FH: variants seen among roughly 807,000 people sequenced by gnomAD.
The protein encoded by FH is fumarate hydratase, mitochondrial.
In FH, 22 loss-of-function variants were observed where a neutral mutation model predicts 49.4. The observed-to-expected ratio is 0.45, with a 90% CI of 0.32 to 0.64. The LOEUF (loss-of-function observed/expected upper bound fraction) is 0.64, where lower values mean the gene tolerates loss of function less well. Among genes scored for constraint, FH ranks in the 30% least tolerant of loss-of-function variants. The pLI is 0.05. For missense variants in FH, 526 were observed against 641.5 expected (o/e 0.82, Z 1.95); for synonymous variants, 208 against 223.0 (o/e 0.93, Z 0.60).
At chr1:241,498,712 T>TAC (rs1659689038) in intron 9 of FH, among the ~76,000 whole-genome samples, 1 of 76,008 alleles carries the variant, frequency 1.3e-5, no homozygotes, top group African/African-American at 6.1e-5. Flanking sequence ...TATATATATA[T>TAC]ATATATATAT....
At chr1:241,502,306 A>T in intron 8 of FH, 137 bp downstream of exon 8, 1 of 925,566 alleles carries the variant, frequency 1.1e-6, no homozygotes, top group Non-Finnish European at 1.7e-6. Flanking sequence ...CTGGTAACTT[A>T]ATAAATGCTT....
intron 1 of FH, chr1:241,519,090 T>C: frequency 6.4e-6 from 1 of 156,160 alleles, no homozygotes; most frequent in South Asian, 1.9e-4. Context: ...GCAGTGCCCC[T>C]TGGCGAAACA....
chr1:241,498,138 T>A (rs1659671728), intron 9 of FH, among the ~76,000 whole-genome samples, 168 bp from the exon 10 acceptor site: 1 of 152,222 alleles, frequency 6.6e-6, no homozygotes, highest in African/African-American at 2.4e-5. Flanking sequence ...TCATTTTTTA[T>A]GTAGAACATT....
chr1:241,517,378 C>A, intron 1 of FH, 62 bp from the exon 2 acceptor site: 2 of 1,573,670 alleles, frequency 1.3e-6, no homozygotes, highest in Non-Finnish European at 1.7e-6. Context: ...AAAGTAATCG[C>A]ATCTTATCAG....
chr1:241,506,259 A>G, intron 5 of FH, 91 bp from the exon 6 acceptor site: 1 of 950,226 alleles, frequency 1.1e-6, no homozygotes, highest in Non-Finnish European at 1.6e-6. Flanking sequence ...TTTTAAAAAT[A>G]CCTTTCAGAA....
At chr1:241,512,866 C>A (rs1660121687) in intron 3 of FH, among the ~76,000 whole-genome samples, 1 of 151,904 alleles carries the variant, frequency 6.6e-6, no homozygotes, top group Non-Finnish European at 1.5e-5. Context: ...GTAATTATGA[C>A]TATTAGCATG....
chr1:241,498,727 ATATATATATATATATG>A (rs1558395771), intron 9 of FH, among the ~76,000 whole-genome samples: 1 of 107,794 alleles, frequency 9.3e-6, no homozygotes, highest in African/African-American at 4.1e-5. Context: ...ATATATATAT[ATATATATATATATATG>A]TCAAGAAGAA....
chr1:241,515,784 C>T lies in FH; in HGVS notation c.267+1398G>A, dbSNP rs144299095. 2.4e-3 allele frequency among the ~76,000 whole-genome samples: 363 copies of T among 152,322 alleles called. 1 individual carries two copies. Among genetic ancestry groups the T allele is most frequent in the African/African-American group, 8.3e-3 (346 of 41,566 alleles). ...TATGCATTTCTCAATTCTTTTCACA[C>T]TTTAACATCTCTGAAATCAAGATGT... On this transcript the variant is annotated intron_variant, in intron 2 of 9. Transcript: ENST00000366560.
rs1660240804 is a variant in FH at position 241,517,201 on chromosome 1, C to T, written c.248G>A (p.Gly83Asp). ...ACTTACTGGCATGCGTTCTGTCACA[C>T]CTCCAATCTTAAAGTTCATCGTAGA... ...VRSTMNFKIG[G>D]VTERMPTPVI... is the part of the protein sequence containing the mutation. The change falls in exon 2 of 10, where the codon GGT becomes GAT. Residue 83 changes from glycine to aspartate, a missense_variant. This residue lies in a region of FH where 143 missense variants were observed against 127.5 expected (regional missense o/e 1.12). Coordinates refer to ENST00000366560, the MANE Select transcript of FH (RefSeq NM_000143.4). 1 of 1,614,026 alleles carries T rather than the reference C, an allele frequency of 6.2e-7. No individual in the cohort carries two copies. The highest frequency in any genetic ancestry group is 8.5e-7 in the Non-Finnish European group (1 of 1,180,034).
At position 241,508,740 on chromosome 1, in the gene FH, T is replaced by C. The variant is rs1659997422; in HGVS notation, c.601A>G (p.Ile201Val). 2.5e-6 allele frequency: 4 copies of C among 1,613,928 alleles called. No individual in the cohort carries two copies. Among genetic ancestry groups the C allele is most frequent in the Non-Finnish European group, 3.4e-6 (4 of 1,179,864 alleles). ...GGTAACAGTACTTCATGAACTTCTA[T>C]TGCAGCAGCAATGTGCATTGCTGTG... ...FPTAMHIAAA[I>V]EVHEVLLPGL... Residue 201 changes from isoleucine to valine, a missense_variant, in exon 5 of 10, where the codon ATA becomes GTA. Transcript: ENST00000366560.
intron 9 of FH, among the ~76,000 whole-genome samples, chr1:241,498,694 CAT>C (rs56361117): frequency 4.4e-3 from 233 of 53,040 alleles, no homozygotes; most frequent in South Asian, 9.3e-3. Context: ...GCTGTCTTAA[CAT>C]ATATATATAT....
chr1:241,517,085 T>C, intron 2 of FH, 97 bp downstream of exon 2: 1 of 1,475,008 alleles, frequency 6.8e-7, no homozygotes, highest in South Asian at 1.1e-5. Flanking sequence ...CTAATAACTT[T>C]ACATTTTAAC....
intron 1 of FH, 115 bp downstream of exon 1, chr1:241,519,476 G>T: frequency 7.6e-7 from 1 of 1,319,726 alleles, no homozygotes; most frequent in Non-Finnish European, 1.0e-6. Context: ...CCCAGAGTCT[G>T]GCGCGGCCCG....
intron 6 of FH, among the ~76,000 whole-genome samples, chr1:241,504,510 C>G (rs1231394570): frequency 6.6e-6 from 1 of 152,018 alleles, no homozygotes; most frequent in African/African-American, 2.4e-5. Context: ...GGCTCAATCA[C>G]AGCTCACTGT....
intron 5 of FH, among the ~76,000 whole-genome samples, chr1:241,506,838 T>G (rs1383004031): frequency 6.6e-6 from 1 of 152,130 alleles, no homozygotes; most frequent in Non-Finnish European, 1.5e-5. Flanking sequence ...ACCACAGAAT[T>G]TATGTTTTGA....
At chr1:241,504,616 A>G (rs1374758997) in intron 6 of FH, among the ~76,000 whole-genome samples, 2 of 151,912 alleles carry the variant, frequency 1.3e-5, no homozygotes, top group Non-Finnish European at 2.9e-5. Context: ...TAATTCTTTA[A>G]TTTTTAGTAG....
In FH at chr1:241,500,522, C is replaced by T. The variant is rs772415507; in HGVS notation, c.1305G>A (p.Val435=). ...DASVSFTENC[V]VGIQANTERI... The stretch of plus-strand genomic sequence containing the variant: ...TTTCTGTATTGGCCTGGATTCCCAC[C>T]ACGCAGTTTTCTGTAAAGGAAACTG... The change falls in exon 9 of 10, where the codon GTG becomes GTA. Residue 435 remains valine (V), a synonymous_variant. Transcript: ENST00000366560. The T allele has an allele frequency of 4.3e-6, 7 of 1,613,326 alleles. No individual in the cohort carries two copies. In the South Asian group the frequency reaches 7.7e-5, roughly 18 times the overall value.
At chr1:241,518,816 A>G (rs1660288380) in intron 1 of FH, among the ~76,000 whole-genome samples, 1 of 152,250 alleles carries the variant, frequency 6.6e-6, no homozygotes, top group East Asian at 1.9e-4. Flanking sequence ...TCTAAAGAGC[A>G]AAATGACTTA....
chr1:241,510,291 T>C (rs1374252646), intron 4 of FH, among the ~76,000 whole-genome samples: 1 of 152,140 alleles, frequency 6.6e-6, no homozygotes, highest in Non-Finnish European at 1.5e-5. Context: ...GACAATGAGC[T>C]TGGAGCATCT....
Sources: gnomAD v4.1 joint callset for allele counts (sites outside exome capture counted in the v4.1 genomes callset) on GRCh38, gnomAD v4.1.1 for gene constraint, gnomAD v4.1.1 regional missense constraint, MANE v1.5 for transcripts, NCBI Gene and HGNC (gene_info 2026-07-23, HGNC 2026-07-21) for gene names.